The following MAP2K5 variants were observed in gnomAD, a reference collection of about 807,000 sequenced individuals.
MAP2K5 encodes dual specificity mitogen-activated protein kinase kinase 5.
A neutral mutation model predicts 83.1 loss-of-function variants in MAP2K5; 49 were observed. The observed-to-expected ratio is 0.59, with a 90% CI of 0.47 to 0.75. MAP2K5 has a LOEUF of 0.75. MAP2K5 is among the 30% of genes least tolerant of loss of function. The probability of loss-of-function intolerance (pLI) is 0.00; values close to 1 mark genes in which losing one functional copy is unlikely to be tolerated. For synonymous variants in MAP2K5, 202 were observed against 191.8 expected (o/e 1.05, Z -0.44); for missense variants, 457 against 557.5 (o/e 0.82, Z 1.82).
chr15:67,577,319 C>T lies in MAP2K5; in HGVS notation c.253-3435C>T, dbSNP rs2085087092. ...ATAAAGTTAAATGTCTTCCTGAAGGCTACACAAGTTAATGAGTGGCAGACT... is the reference window on the plus strand; with the variant it reads ...ATAAAGTTAAATGTCTTCCTGAAGGTTACACAAGTTAATGAGTGGCAGACT... On this transcript the variant is annotated intron_variant, in intron 3 of 21. Transcript: ENST00000178640. This position sits in a 1 kb window ranked among gnomAD's most constrained non-coding sequence, Gnocchi z 4.1. 6.6e-6 allele frequency among the ~76,000 whole-genome samples: 1 copy of T among 152,168 alleles called. No individual in the cohort carries two copies. The highest frequency in any genetic ancestry group is 2.4e-5 in the African/African-American group (1 of 41,436).
intron 9 of MAP2K5, among the ~76,000 whole-genome samples, chr15:67,635,740 A>G (rs2086589475): frequency 6.6e-6 from 1 of 152,072 alleles, no homozygotes; most frequent in African/African-American, 2.4e-5. Flanking sequence ...TAAATGTAGA[A>G]TTCTAGGTTG....
chr15:67,678,547 A>C (rs1250551347), intron 13 of MAP2K5, among the ~76,000 whole-genome samples: 1 of 152,248 alleles, frequency 6.6e-6, no homozygotes, highest in Non-Finnish European at 1.5e-5. Flanking sequence ...TAGAAGTTGG[A>C]GATACCAACA....
intron 19 of MAP2K5, among the ~76,000 whole-genome samples, chr15:67,752,996 G>C (rs1315398205): frequency 1.3e-5 from 2 of 152,086 alleles, no homozygotes; most frequent in African/African-American, 4.8e-5. Flanking sequence ...TAGTGGTATA[G>C]GATAGACATA....
At chr15:67,569,827 A>G (rs2084915500) in intron 3 of MAP2K5, among the ~76,000 whole-genome samples, 2 of 152,202 alleles carry the variant, frequency 1.3e-5, no homozygotes, top group African/African-American at 2.4e-5. Context: ...CTCCCAGTTC[A>G]GTTCCATCTC....
chr15:67,800,227 GA>G (rs373696975), intron 21 of MAP2K5, among the ~76,000 whole-genome samples: 7 of 152,340 alleles, frequency 4.6e-5, no homozygotes, highest in African/African-American at 1.7e-4. Flanking sequence ...CCGGGGATTA[GA>G]TTGGTAGCTT....
chr15:67,646,183 CTAATA>C, intron 9 of MAP2K5, 43 bp from the exon 10 acceptor site: 1 of 767,504 alleles, frequency 1.3e-6, no homozygotes, highest in Non-Finnish European at 2.1e-6. Flanking sequence ...GTGATTATAA[CTAATA>C]TAATTAGAAG....
intron 8 of MAP2K5, among the ~76,000 whole-genome samples, chr15:67,626,385 G>T (rs1488764072): frequency 6.6e-6 from 1 of 152,086 alleles, no homozygotes; most frequent in African/African-American, 2.4e-5. Context: ...AAATTAGCCA[G>T]GTGTGGTGGT....
chr15:67,682,539 A>G (rs1167872626), intron 13 of MAP2K5, among the ~76,000 whole-genome samples: 1 of 149,324 alleles, frequency 6.7e-6, no homozygotes, highest in Non-Finnish European at 1.5e-5. Flanking sequence ...GCTATTCTTA[A>G]GAGCTGTAGG....
In MAP2K5 at chr15:67,719,256, T is replaced by G. The variant is rs1180213044; in HGVS notation, c.1045-8660T>G. Reference sequence around the variant, plus strand: ...AGCAGTGATACGTAAGAGGGCCTTGTCGGTTAAGACCATCAGATCCTAATA... The same window carrying G: ...AGCAGTGATACGTAAGAGGGCCTTGGCGGTTAAGACCATCAGATCCTAATA... On this transcript the variant is annotated intron_variant, in intron 16 of 21. Coordinates refer to ENST00000178640, the MANE Select transcript of MAP2K5 (RefSeq NM_145160.3). This position sits in a 1 kb window ranked among gnomAD's most constrained non-coding sequence, Gnocchi z 4.6. Among the ~76,000 whole-genome samples, 2 of 152,230 alleles carry G rather than the reference T, an allele frequency of 1.3e-5. No homozygotes were observed. The highest frequency in any genetic ancestry group is 2.4e-5 in the African/African-American group (1 of 41,460).
In MAP2K5 at chr15:67,676,412, G is replaced by C. The variant is rs187518804; in HGVS notation, c.847+11767G>C. On this transcript the variant is annotated intron_variant, in intron 13 of 21. Transcript: ENST00000178640. The surrounding 1 kb of genome is among the most constrained non-coding windows in gnomAD (Gnocchi z 4.8). ...AAGTCATCTTTTGTTCCCCTTTCTCGTATTAAAGTAAGAGATTTATCCTTG... is the reference window on the plus strand; with the variant it reads ...AAGTCATCTTTTGTTCCCCTTTCTCCTATTAAAGTAAGAGATTTATCCTTG... Among the ~76,000 whole-genome samples, 1 of 151,978 alleles carries C rather than the reference G, an allele frequency of 6.6e-6. No individual in the cohort carries two copies. Among genetic ancestry groups the C allele is most frequent in the Non-Finnish European group, 1.5e-5 (1 of 68,012 alleles).
chr15:67,778,548 G>A lies in MAP2K5; in HGVS notation c.1242+5796G>A, dbSNP rs905978434. The stretch of plus-strand genomic sequence containing the variant: ...TGAGGAATGGCTCAAAGAAAAGGGA[G>A]GGTTCTGAGGTCTTATGAAGGCAGG... On this transcript the variant is annotated intron_variant, in intron 21 of 21. Transcript: ENST00000178640. The surrounding 1 kb of genome is among the most constrained non-coding windows in gnomAD (Gnocchi z 5.0). 6.6e-6 allele frequency among the ~76,000 whole-genome samples: 1 copy of A among 152,168 alleles called. No individual in the cohort carries two copies. Among genetic ancestry groups the A allele is most frequent in the Admixed American group, 6.5e-5 (1 of 15,280 alleles).
At chr15:67,688,240 C>T (rs1020893002) in intron 13 of MAP2K5, among the ~76,000 whole-genome samples, 3 of 152,160 alleles carry the variant, frequency 2.0e-5, no homozygotes, top group African/African-American at 7.2e-5. Flanking sequence ...TGGGGCAGCT[C>T]ACAAGGGCCT....
At position 67,563,522 on chromosome 15, in the gene MAP2K5, A is replaced by G. The variant is rs569949933; in HGVS notation, c.252+172A>G. Among the ~76,000 whole-genome samples the G allele has an allele frequency of 6.6e-6, 1 of 152,322 alleles. No homozygotes were observed. The highest frequency in any genetic ancestry group is 2.1e-4 in the South Asian group (1 of 4,818). On this transcript the variant is annotated intron_variant, in intron 3 of 21. Transcript: ENST00000178640. The surrounding 1 kb of genome is among the most constrained non-coding windows in gnomAD (Gnocchi z 4.5). The stretch of plus-strand genomic sequence containing the variant: ...TGTGAAAGTTAAGGGCATTATTTTC[A>G]AAAGACACTTACTGATCATATCATA...
intron 15 of MAP2K5, among the ~76,000 whole-genome samples, chr15:67,696,502 A>G (rs1307325172): frequency 6.6e-6 from 1 of 152,238 alleles, no homozygotes; most frequent in Non-Finnish European, 1.5e-5. Context: ...TGAAAGTTGT[A>G]TCTGAAACTG....
At chr15:67,590,905 A>T (rs2085395088) in intron 6 of MAP2K5, among the ~76,000 whole-genome samples, 1 of 152,156 alleles carries the variant, frequency 6.6e-6, no homozygotes, top group South Asian at 2.1e-4. Flanking sequence ...GTGAGAAGAG[A>T]GTGGAGTATA....
At chr15:67,566,898 A>T (rs1567277053) in intron 3 of MAP2K5, among the ~76,000 whole-genome samples, 1 of 152,228 alleles carries the variant, frequency 6.6e-6, no homozygotes, top group East Asian at 1.9e-4. Flanking sequence ...GTGGTTTTTG[A>T]TACATGTGAC....
At chr15:67,547,947 C>T (rs1257478460) in intron 1 of MAP2K5, among the ~76,000 whole-genome samples, 1 of 152,184 alleles carries the variant, frequency 6.6e-6, no homozygotes, top group Non-Finnish European at 1.5e-5. Flanking sequence ...ATTATGATTG[C>T]CCCACTTTAT....
At position 67,572,385 on chromosome 15, in the gene MAP2K5, C is replaced by T. The variant is rs1344853303; in HGVS notation, c.253-8369C>T. On this transcript the variant is annotated intron_variant, in intron 3 of 21. Transcript: ENST00000178640. This position sits in a 1 kb window ranked among gnomAD's most constrained non-coding sequence, Gnocchi z 4.2. ...GCAACTCTGTTAGTCTGTTTTCATA[C>T]TGTTATCGGAAAGGGGTCCCAATCC... Among the ~76,000 whole-genome samples the T allele has an allele frequency of 6.6e-6, 1 of 152,120 alleles. No homozygotes were observed.
intron 9 of MAP2K5, among the ~76,000 whole-genome samples, chr15:67,634,367 CA>C (rs71142390): frequency 8.2e-5 from 4 of 48,568 alleles, no homozygotes; most frequent in East Asian, 6.6e-4. Flanking sequence ...GACCTCATCT[CA>C]AAAAAAAAAA....
Sources: gnomAD v4.1 joint callset for allele counts (sites outside exome capture counted in the v4.1 genomes callset) on GRCh38, gnomAD v4.1.1 for gene constraint, Gnocchi (gnomAD v3.1) non-coding constraint, MANE v1.5 for transcripts, NCBI Gene and HGNC (gene_info 2026-07-23, HGNC 2026-07-21) for gene names.